CIMIP6: variants seen among roughly 807,000 people sequenced by gnomAD.
The protein encoded by CIMIP6 is ciliary microtubule inner protein 6.
At chr2:54,365,564 G>T in the CIMIP6 span, among the ~76,000 whole-genome samples, 1 of 152,124 alleles carries the variant, frequency 6.6e-6, no homozygotes, top group African/African-American at 2.4e-5. Flanking sequence ...GAAACCTCTT[G>T]CTTCTGCTCT....
the CIMIP6 span, among the ~76,000 whole-genome samples, chr2:54,334,423 G>A: frequency 6.6e-6 from 1 of 152,122 alleles, no homozygotes; most frequent in Non-Finnish European, 1.5e-5. Context: ...TAGGTAAACG[G>A]GAGAATAAAG....
chr2:54,376,682 G>A, the CIMIP6 span, among the ~76,000 whole-genome samples: 4 of 152,204 alleles, frequency 2.6e-5, no homozygotes, highest in Non-Finnish European at 4.4e-5. Context: ...AGGATGAGGA[G>A]TAACATGGAG....
chr2:54,342,902 T>A, the CIMIP6 span, among the ~76,000 whole-genome samples: 6 of 152,294 alleles, frequency 3.9e-5, no homozygotes, highest in East Asian at 1.2e-3. Context: ...AATCAACCAG[T>A]TTTAAAATAT....
the CIMIP6 span, among the ~76,000 whole-genome samples, chr2:54,372,023 C>A: frequency 6.6e-6 from 1 of 152,218 alleles, no homozygotes; most frequent in Non-Finnish European, 1.5e-5. Context: ...ACAACAATAG[C>A]TGCTAACGTT....
chr2:54,347,310 T>C, the CIMIP6 span, among the ~76,000 whole-genome samples: 1 of 152,214 alleles, frequency 6.6e-6, no homozygotes, highest in African/African-American at 2.4e-5. Context: ...ATTTTCATTC[T>C]GTGTGAAAGA....
At chr2:54,342,512 A>G in the CIMIP6 span, among the ~76,000 whole-genome samples, 3 of 151,818 alleles carry the variant, frequency 2.0e-5, no homozygotes, top group Non-Finnish European at 2.9e-5. Context: ...TGACTCCATT[A>G]ATTATTTTTT....
At chr2:54,380,247 A>C in the CIMIP6 span, among the ~76,000 whole-genome samples, 1 of 152,182 alleles carries the variant, frequency 6.6e-6, no homozygotes, top group Non-Finnish European at 1.5e-5. Flanking sequence ...TTACAATACC[A>C]CTAAATGTAT....
At chr2:54,331,187 T>C in the CIMIP6 span, among the ~76,000 whole-genome samples, 3 of 152,336 alleles carry the variant, frequency 2.0e-5, no homozygotes, top group South Asian at 6.2e-4. Flanking sequence ...GAGCACATAC[T>C]GTGTGTCAGG....
chr2:54,337,418 A>T, the CIMIP6 span, among the ~76,000 whole-genome samples: 2 of 151,712 alleles, frequency 1.3e-5, no homozygotes, highest in South Asian at 4.2e-4. Context: ...ATCAATTGTT[A>T]TTGTTAGACC....
the CIMIP6 span, chr2:54,361,194 A>G: frequency 6.6e-6 from 1 of 152,262 alleles, no homozygotes; most frequent in Non-Finnish European, 1.5e-5. Flanking sequence ...ATCTAAAAAT[A>G]CTTCTGCCAG....
chr2:54,343,277 G>T, the CIMIP6 span, among the ~76,000 whole-genome samples: 2 of 152,048 alleles, frequency 1.3e-5, no homozygotes, highest in Non-Finnish European at 2.9e-5. Flanking sequence ...TGTATTTCAT[G>T]GTTCAGGCTA....
the CIMIP6 span, among the ~76,000 whole-genome samples, chr2:54,341,342 G>A: frequency 6.6e-6 from 1 of 152,106 alleles, no homozygotes; most frequent in Non-Finnish European, 1.5e-5. Context: ...TTGCTCTTCT[G>A]CCTTCCACCA....
At chr2:54,370,245 ACT>A in the CIMIP6 span, among the ~76,000 whole-genome samples, 2 of 152,008 alleles carry the variant, frequency 1.3e-5, no homozygotes, top group Non-Finnish European at 2.9e-5. Flanking sequence ...GCAGAGTAAG[ACT>A]CTGTCTCAAA....
chr2:54,331,096 A>G, the CIMIP6 span: 2,165 of 1,179,832 alleles, frequency 1.8e-3, 36 homozygotes, highest in African/African-American at 0.03. Flanking sequence ...GTCCAGGCCA[A>G]GCTCAGACAG....
At chr2:54,377,538 T>G in the CIMIP6 span, among the ~76,000 whole-genome samples, 1 of 152,234 alleles carries the variant, frequency 6.6e-6, no homozygotes, top group African/African-American at 2.4e-5. Flanking sequence ...ACCTAACAAT[T>G]GGCTCTTGCA....
the CIMIP6 span, among the ~76,000 whole-genome samples, chr2:54,366,445 G>A: frequency 2.7e-4 from 41 of 152,138 alleles, no homozygotes; most frequent in Middle Eastern, 6.8e-3. Flanking sequence ...TTCTTTAATC[G>A]CTTGTAGCAA....
At chr2:54,381,858 G>C in the CIMIP6 span, 1 of 1,541,098 alleles carries the variant, frequency 6.5e-7, no homozygotes, top group South Asian at 1.2e-5. Context: ...GAAACCTTGA[G>C]AAAAGGAGCC....
the CIMIP6 span, among the ~76,000 whole-genome samples, chr2:54,377,766 T>C: frequency 6.8e-6 from 1 of 146,308 alleles, no homozygotes; most frequent in Non-Finnish European, 1.5e-5. Context: ...AGTGTGTAGA[T>C]GAGGAAAGGC....
At chr2:54,377,312 T>C in the CIMIP6 span, among the ~76,000 whole-genome samples, 2 of 152,308 alleles carry the variant, frequency 1.3e-5, no homozygotes, top group Admixed American at 6.5e-5. Context: ...AAGAGATGTG[T>C]ACAGTGTATA....
Sources: gnomAD v4.1 joint callset for allele counts (sites outside exome capture counted in the v4.1 genomes callset) on GRCh38, gnomAD v4.1.1 for gene constraint, MANE v1.5 for transcripts, NCBI Gene and HGNC (gene_info 2026-07-23, HGNC 2026-07-21) for gene names.